UBE2E1: variants seen among roughly 807,000 people sequenced by gnomAD.
The protein encoded by UBE2E1 is ubiquitin conjugating enzyme E2 E1.
In UBE2E1, 6 loss-of-function variants were observed where a neutral mutation model predicts 21.4. The ratio of observed to expected loss-of-function variants is 0.28; its 90% CI spans 0.15 to 0.55. The LOEUF (loss-of-function observed/expected upper bound fraction) is 0.55, where lower values mean the gene tolerates loss of function less well. Ranked by LOEUF, UBE2E1 falls within the 20% of genes least tolerant of loss-of-function variation. The probability of loss-of-function intolerance (pLI) is 0.93; values close to 1 mark genes in which losing one functional copy is unlikely to be tolerated. For synonymous variants in UBE2E1, 87 were observed against 82.7 expected (o/e 1.05, Z -0.28); for missense variants, 142 against 236.5 (o/e 0.60, Z 2.62).
intron 3 of UBE2E1, among the ~76,000 whole-genome samples, chr3:23,827,977 TG>T (rs2125291487): frequency 6.6e-6 from 1 of 152,194 alleles, no homozygotes; most frequent in East Asian, 1.9e-4. Context: ...CCAGCTTCTT[TG>T]CTTTTTATTT....
At chr3:23,874,909 C>T (rs747901425) in intron 3 of UBE2E1, among the ~76,000 whole-genome samples, 1 of 152,150 alleles carries the variant, frequency 6.6e-6, no homozygotes, top group South Asian at 2.1e-4. Flanking sequence ...CACCTACCCC[C>T]ACGACTACCC....
intron 5 of UBE2E1, chr3:23,889,654 A>G: frequency 1.0e-6 from 1 of 985,370 alleles, no homozygotes; most frequent in Non-Finnish European, 1.2e-6. Flanking sequence ...CATGTGTCCC[A>G]TAGCTGGTCA....
chr3:23,825,693 G>C (rs989721409), intron 3 of UBE2E1, among the ~76,000 whole-genome samples: 1 of 152,194 alleles, frequency 6.6e-6, no homozygotes, highest in African/African-American at 2.4e-5. Flanking sequence ...AAGGACAGCA[G>C]ATAGAAAGGT....
At chr3:23,832,726 C>T (rs1221605182) in intron 3 of UBE2E1, among the ~76,000 whole-genome samples, 1 of 152,120 alleles carries the variant, frequency 6.6e-6, no homozygotes, top group Non-Finnish European at 1.5e-5. Flanking sequence ...CAGAGCGAGA[C>T]TTTGTCTCAA....
At chr3:23,841,931 G>C (rs1265252950) in intron 3 of UBE2E1, among the ~76,000 whole-genome samples, 1 of 152,126 alleles carries the variant, frequency 6.6e-6, no homozygotes, top group East Asian at 1.9e-4. Context: ...AGGTATTCTA[G>C]GTGAGTGTTG....
At position 23,807,337 on chromosome 3, in the gene UBE2E1, A is replaced by C; in HGVS notation, c.68A>C (p.Glu23Ala). 6.2e-7 allele frequency: 1 copy of C among 1,614,052 alleles called. No individual in the cohort carries two copies. Among genetic ancestry groups the C allele is most frequent in the Non-Finnish European group, 8.5e-7 (1 of 1,180,002 alleles). Reference protein sequence around the residue: ...SSSSSSNQQTEKETNTPKKKE... With the variant: ...SSSSSSNQQTAKETNTPKKKE... ...TCTTCGTCTTCCAACCAGCAAACCGAGAAAGAAACAAACACCCCCAAGAAG... is the reference window on the plus strand; with the variant it reads ...TCTTCGTCTTCCAACCAGCAAACCGCGAAAGAAACAAACACCCCCAAGAAG... Residue 23 changes from glutamate to alanine, a missense_variant, in exon 2 of 6, where the codon GAG (glutamate) becomes GCG (alanine). Coordinates refer to ENST00000306627, the MANE Select transcript of UBE2E1 (RefSeq NM_003341.5).
Position 23,870,587 on chromosome 3 carries a change from G to T in UBE2E1, c.204-16980G>T, listed in dbSNP as rs1700762253. 2.0e-5 allele frequency among the ~76,000 whole-genome samples: 3 copies of T among 152,336 alleles called. No homozygotes were observed. The South Asian group carries it at 6.2e-4, about 32-fold the overall frequency. The stretch of plus-strand genomic sequence containing the variant: ...TGACAGCTTCTGCTATAGTTTATCA[G>T]TGAGCTCAGGAGTTCAAGTGGCTTC... On this transcript the variant is annotated intron_variant, in intron 3 of 5. Coordinates refer to ENST00000306627, the MANE Select transcript of UBE2E1 (RefSeq NM_003341.5). The surrounding 1 kb of genome is among the most constrained non-coding windows in gnomAD (Gnocchi z 4.2).
rs1259804145 is a variant in UBE2E1 at position 23,870,356 on chromosome 3, C to T, written c.204-17211C>T. ...GACTTAAATATCACCAGCCCATATT[C>T]AGAGGGAGGGGAATTAGACTCTGCC... On this transcript the variant is annotated intron_variant, in intron 3 of 5. Transcript: ENST00000306627. The surrounding 1 kb of genome is among the most constrained non-coding windows in gnomAD (Gnocchi z 4.2). 1.3e-5 allele frequency among the ~76,000 whole-genome samples: 2 copies of T among 152,184 alleles called. No homozygotes were observed. Among genetic ancestry groups the T allele is most frequent in the East Asian group, 3.8e-4 (2 of 5,200 alleles).
In UBE2E1 at chr3:23,806,241, G is replaced by A. The variant is rs1333631977; in HGVS notation, c.-34+153G>A. ...GGGGGGAGCGGAGAGGGGCTGGGGA[G>A]CCCCAGGGGTCCGGGGCCCGCCCGC... is the stretch of plus-strand genomic sequence containing the variant. On this transcript the variant is annotated intron_variant, in intron 1 of 5. Coordinates refer to ENST00000306627, the MANE Select transcript of UBE2E1 (RefSeq NM_003341.5). The surrounding 1 kb of genome is among the most constrained non-coding windows in gnomAD (Gnocchi z 6.5). Among the ~76,000 whole-genome samples the A allele has an allele frequency of 1.3e-5, 2 of 149,320 alleles. No homozygotes were observed. The highest frequency in any genetic ancestry group is 3.0e-5 in the Non-Finnish European group (2 of 66,952).
At position 23,886,621 on chromosome 3, in the gene UBE2E1, T is replaced by C. The variant is rs7632581; in HGVS notation, c.204-946T>C. 3.7e-3 allele frequency among the ~76,000 whole-genome samples: 565 copies of C among 152,314 alleles called. 2 individuals carry two copies. Among genetic ancestry groups the C allele is most frequent in the African/African-American group, 0.013 (549 of 41,556 alleles). ...TGGGTTTGGGGAAAGTATAGGCCCA[T>C]GGGTAGGCTTTTTATTCCCTCCCTC... On this transcript the variant is annotated intron_variant, in intron 3 of 5. Transcript: ENST00000306627.
intron 3 of UBE2E1, among the ~76,000 whole-genome samples, chr3:23,849,024 G>A (rs748555937): frequency 4.6e-5 from 7 of 152,158 alleles, no homozygotes; most frequent in Admixed American, 2.6e-4. Context: ...TATCCATATG[G>A]TGGACATTTG....
intron 3 of UBE2E1, among the ~76,000 whole-genome samples, chr3:23,821,733 G>A (rs1293862245): frequency 1.3e-5 from 2 of 152,208 alleles, no homozygotes; most frequent in Non-Finnish European, 2.9e-5. Context: ...CTGATAGGTA[G>A]ACTCCTAGGC....
chr3:23,882,834 G>T (rs116766825), intron 3 of UBE2E1, among the ~76,000 whole-genome samples: 1 of 152,192 alleles, frequency 6.6e-6, no homozygotes, highest in Non-Finnish European at 1.5e-5. Context: ...CTCCGAGTGC[G>T]GGGCTGCCAA....
At chr3:23,846,109 G>A (rs6550803) in intron 3 of UBE2E1, among the ~76,000 whole-genome samples, 113,852 of 151,426 alleles carry the variant, frequency 0.75, 43,062 homozygotes, top group Admixed American at 0.79. Flanking sequence ...TTTGGGAAAA[G>A]TTCTTACATC....
intron 3 of UBE2E1, among the ~76,000 whole-genome samples, chr3:23,869,439 G>GTGTA (rs1229469265): frequency 6.8e-6 from 1 of 146,400 alleles, no homozygotes; most frequent in Non-Finnish European, 1.5e-5. Flanking sequence ...GTGTGTGTGT[G>GTGTA]TGTGTTAACT....
chr3:23,860,558 G>A (rs115229758), intron 3 of UBE2E1, among the ~76,000 whole-genome samples: 22 of 152,252 alleles, frequency 1.4e-4, no homozygotes, highest in Non-Finnish European at 2.6e-4. Flanking sequence ...TCATGCTTAC[G>A]TGGTGTTGAA....
At chr3:23,866,976 A>G (rs1700670071) in intron 3 of UBE2E1, among the ~76,000 whole-genome samples, 1 of 152,158 alleles carries the variant, frequency 6.6e-6, no homozygotes, top group Admixed American at 6.5e-5. Flanking sequence ...ATATCACCTT[A>G]AGAAAACCTG....
intron 3 of UBE2E1, among the ~76,000 whole-genome samples, chr3:23,862,874 C>G (rs573186890): frequency 9.7e-4 from 148 of 152,126 alleles, no homozygotes; most frequent in Non-Finnish European, 1.7e-3. Context: ...TACAGGCATG[C>G]ACCACCACAC....
intron 3 of UBE2E1, among the ~76,000 whole-genome samples, chr3:23,843,722 G>C (rs1365013662): frequency 1.4e-5 from 1 of 71,206 alleles, no homozygotes; most frequent in African/African-American, 6.2e-5. Flanking sequence ...ACAACTGTGT[G>C]GCAGTTTGGA....
Sources: gnomAD v4.1 joint callset for allele counts (sites outside exome capture counted in the v4.1 genomes callset) on GRCh38, gnomAD v4.1.1 for gene constraint, Gnocchi (gnomAD v3.1) non-coding constraint, MANE v1.5 for transcripts, NCBI Gene and HGNC (gene_info 2026-07-23, HGNC 2026-07-21) for gene names.